SEPTIN14: variants seen among roughly 807,000 people sequenced by gnomAD.
SEPTIN14 encodes septin-14.
SEPTIN14 carries 40 observed loss-of-function variants against 53.6 expected under a neutral mutation model. That is an observed-to-expected ratio of 0.75 (90% CI 0.58 to 0.97). The LOEUF (loss-of-function observed/expected upper bound fraction) is 0.97. SEPTIN14 is among the 50% of genes least tolerant of loss of function. The pLI, the probability that SEPTIN14 is intolerant of heterozygous loss-of-function variation, is 0.00. For missense variants in SEPTIN14, 471 were observed against 508.2 expected, an observed-to-expected ratio of 0.93 and a Z score of 0.70; for synonymous variants, 138 against 166.8, an observed-to-expected ratio of 0.83 and a Z score of 1.33.
intron 2 of SEPTIN14, among the ~76,000 whole-genome samples, chr7:55,855,055 C>A (rs1789591928): frequency 6.7e-6 from 1 of 149,910 alleles, no homozygotes; most frequent in African/African-American, 2.5e-5. Context: ...TTCGCCCAGG[C>A]CGGAGTGCAG....
At chr7:55,849,345 A>G (rs1445536186) in intron 2 of SEPTIN14, among the ~76,000 whole-genome samples, 1 of 151,942 alleles carries the variant, frequency 6.6e-6, no homozygotes, top group East Asian at 1.9e-4. Flanking sequence ...AAATAAAAGC[A>G]GAAAGCAAAG....
intron 2 of SEPTIN14, among the ~76,000 whole-genome samples, chr7:55,859,151 CAA>C (rs1216195753): frequency 1.5e-4 from 18 of 119,062 alleles, no homozygotes; most frequent in Non-Finnish European, 1.1e-4. Flanking sequence ...AACTCCATCT[CAA>C]AAAAAAAAAA....
At chr7:55,859,527 A>T (rs1389547898) in intron 2 of SEPTIN14, among the ~76,000 whole-genome samples, 2 of 152,186 alleles carry the variant, frequency 1.3e-5, no homozygotes, top group Non-Finnish European at 2.9e-5. Flanking sequence ...ATTTTAAATC[A>T]GGATGTGTGA....
chr7:55,857,240 C>T (rs542960572), intron 2 of SEPTIN14, among the ~76,000 whole-genome samples: 6 of 143,244 alleles, frequency 4.2e-5, no homozygotes, highest in Non-Finnish European at 7.7e-5. Flanking sequence ...GGTGTGGTGG[C>T]GCATGCCTGT....
At chr7:55,833,851 C>T (rs1204282699) in intron 6 of SEPTIN14, among the ~76,000 whole-genome samples, 4 of 152,002 alleles carry the variant, frequency 2.6e-5, no homozygotes, top group Admixed American at 6.6e-5. Flanking sequence ...GAAGACATTA[C>T]AACTTATTAC....
intron 2 of SEPTIN14, among the ~76,000 whole-genome samples, chr7:55,859,315 A>T (rs894345236): frequency 4.6e-5 from 7 of 152,112 alleles, no homozygotes; most frequent in African/African-American, 1.7e-4. Context: ...ATTCTTTTGC[A>T]TATAGAAATT....
Position 55,843,017 on chromosome 7 carries a change from A to G in SEPTIN14, c.483T>C (p.Cys161=). ...FEYHDSRVHV[C]LYFISPTGHS... is the part of the protein sequence containing the mutation. ...GTCCTGTAGGTGAAATGAAGTAAAG[A>G]CACACGTGGACGCGAGAATCATGGT... Residue 161 remains cysteine, a synonymous_variant, in exon 5 of 10, where the codon TGT becomes TGC. Coordinates refer to ENST00000388975, the MANE Select transcript of SEPTIN14 (RefSeq NM_207366.3). 1.3e-6 allele frequency: 2 copies of G among 1,586,052 alleles called. No individual in the cohort carries two copies. Among genetic ancestry groups the G allele is most frequent in the Non-Finnish European group, 1.7e-6 (2 of 1,165,620 alleles).
chr7:55,853,624 G>A (rs1789556181), intron 2 of SEPTIN14, among the ~76,000 whole-genome samples: 3 of 152,128 alleles, frequency 2.0e-5, no homozygotes, highest in Admixed American at 6.6e-5. Flanking sequence ...ACAACAGGGC[G>A]ACTATAGTCA....
rs969032251 is a variant in SEPTIN14, at chr7:55,862,136, C to T, written c.-15-125G>A. 3 of 621,568 alleles carry T rather than the reference C, an allele frequency of 4.8e-6. No homozygotes were observed. The South Asian group carries it at 6.1e-5, about 13-fold the overall frequency. 38.5% of individuals were successfully genotyped at this position (621,568 alleles called of 1,614,324 possible). A position where few individuals can be genotyped will look rare whatever the true frequency, so the allele number is the denominator to read the frequency against. ...TGCAAGCTTTAGTTTTTAGTTCACA[C>T]TATTCATCTGTTTTAAACTGTGGCT... On this transcript the variant is annotated intron_variant, in intron 1 of 9. Transcript: ENST00000388975.
At chr7:55,819,482 G>A (rs1241410051) in intron 6 of SEPTIN14, among the ~76,000 whole-genome samples, 4 of 152,172 alleles carry the variant, frequency 2.6e-5, no homozygotes, top group East Asian at 1.9e-4. Flanking sequence ...CCAGCTACTC[G>A]GGAGGCTGAG....
At position 55,857,867 on chromosome 7, in the gene SEPTIN14, G is replaced by A. The variant is rs187399777; in HGVS notation, c.54+4076C>T. Among the ~76,000 whole-genome samples, 498 of 152,152 alleles carry A rather than the reference G, an allele frequency of 3.3e-3. 8 individuals are homozygous for A. Among genetic ancestry groups the A allele is most frequent in the African/African-American group, 0.011 (472 of 41,508 alleles). On this transcript the variant is annotated intron_variant, in intron 2 of 9. Transcript: ENST00000388975. ...CTCCCAAAGTGCTGGGATTACAGGC[G>A]CGAGCCACCGCGCCCGGCCACCTGT...
chr7:55,829,807 C>G (rs1254522533), intron 6 of SEPTIN14, among the ~76,000 whole-genome samples: 2 of 104,728 alleles, frequency 1.9e-5, no homozygotes, highest in Non-Finnish European at 3.4e-5. Flanking sequence ...GGTGACAGAA[C>G]GAGACTCCAT....
chr7:55,802,555 A>AC (rs142153219), intron 9 of SEPTIN14, among the ~76,000 whole-genome samples: 27,656 of 151,934 alleles, frequency 0.18, 3,405 homozygotes, highest in East Asian at 0.43. Flanking sequence ...ATGCAGAAAA[A>AC]AAAATTAGAT....
At chr7:55,828,325 G>C (rs1221058845) in intron 6 of SEPTIN14, among the ~76,000 whole-genome samples, 1 of 134,094 alleles carries the variant, frequency 7.5e-6, no homozygotes, top group Non-Finnish European at 1.5e-5. Flanking sequence ...TTCTTTTTGA[G>C]ACAGAGTCTT....
In SEPTIN14 at chr7:55,862,039, T is replaced by A. The variant is rs533392651; in HGVS notation, c.-15-28A>T. 163 of 1,394,438 alleles carry A rather than the reference T, an allele frequency of 1.2e-4. No individual in the cohort carries two copies. In the Admixed American group the frequency reaches 1.7e-3, roughly 14 times the overall value. The allele number at this position is 1,394,438 out of a possible 1,614,324, so 86.4% of individuals were successfully genotyped here. On this transcript the variant is annotated intron_variant, in intron 1 of 9. Transcript: ENST00000388975. ...GGAAATTTAAAAAAATAAACATTTT[T>A]AAAAATTTCTTACAAAGGCTATATT...
At chr7:55,817,485 T>A (rs1788814700) in intron 7 of SEPTIN14, among the ~76,000 whole-genome samples, 1 of 150,446 alleles carries the variant, frequency 6.6e-6, no homozygotes, top group Non-Finnish European at 1.5e-5. Flanking sequence ...TATTTTTTTT[T>A]TTTGAAAAGG....
intron 6 of SEPTIN14, among the ~76,000 whole-genome samples, chr7:55,831,688 A>C (rs1789110708): frequency 1.3e-5 from 2 of 152,258 alleles, no homozygotes; most frequent in Non-Finnish European, 2.9e-5. Flanking sequence ...AACCTACACA[A>C]TAAGAACAAA....
At position 55,830,343 on chromosome 7, in the gene SEPTIN14, A is replaced by ATTTTT. The variant is rs1454944685; in HGVS notation, c.720+4081_720+4082insAAAAA. On this transcript the variant is annotated intron_variant, in intron 6 of 9. Coordinates refer to ENST00000388975, the MANE Select transcript of SEPTIN14 (RefSeq NM_207366.3). Reference sequence around the variant, plus strand: ...ACTGTATATATATATATATATATATATATATATTTTTTTTTTTTTTTGAGA... The same window carrying ATTTTT: ...ACTGTATATATATATATATATATATATTTTTTATATATTTTTTTTTTTTTTTGAGA... Among the ~76,000 whole-genome samples, 17 of 26,192 alleles carry ATTTTT rather than the reference A, an allele frequency of 6.5e-4. 1 individual carries two copies. The highest frequency in any genetic ancestry group is 1.2e-3 in the Admixed American group (3 of 2,554). 17.2% of individuals were successfully genotyped at this position (26,192 alleles called of 152,430 possible).
chr7:55,806,193 G>C (rs1788607188), intron 8 of SEPTIN14, among the ~76,000 whole-genome samples: 2 of 151,918 alleles, frequency 1.3e-5, no homozygotes, highest in African/African-American at 4.8e-5. Context: ...TAGGGACGGA[G>C]CTTTACCATG....
Sources: gnomAD v4.1 joint callset for allele counts (sites outside exome capture counted in the v4.1 genomes callset) on GRCh38, gnomAD v4.1.1 for gene constraint, MANE v1.5 for transcripts, NCBI Gene and HGNC (gene_info 2026-07-23, HGNC 2026-07-21) for gene names.